Variants in OPRM1 observed in about 807,000 individuals in gnomAD.
OPRM1 encodes mu-type opioid receptor.
In OPRM1, 27 loss-of-function variants were observed where a neutral mutation model predicts 31.8. The observed-to-expected ratio is 0.85, with a 90% confidence interval of 0.63 to 1.17. The LOEUF (loss-of-function observed/expected upper bound fraction) is 1.17. Among genes scored for constraint, OPRM1 ranks in the 50% most tolerant of loss-of-function variants. The pLI, the probability that OPRM1 is intolerant of heterozygous loss-of-function variation, is 0.00. For synonymous variants in OPRM1, 196 were observed against 189.9 expected (o/e 1.03, Z -0.26); for missense variants, 536 against 511.1 (o/e 1.05, Z -0.47).
chr6:154,058,799 C>T (rs9285542), intron 1 of OPRM1, among the ~76,000 whole-genome samples: 23,949 of 151,954 alleles, frequency 0.16, 1,979 homozygotes, highest in Non-Finnish European at 0.17. Context: ...ACTAACAATC[C>T]TTAAATACAC....
intron 1 of OPRM1, among the ~76,000 whole-genome samples, chr6:154,027,479 G>T (rs548324714): frequency 1.3e-5 from 2 of 152,240 alleles, no homozygotes; most frequent in African/African-American, 4.8e-5. Context: ...CAATTCCCTG[G>T]CTGTGGCCTA....
Position 154,039,623 on chromosome 6 carries a change from AG to A in OPRM1, c.80del (p.Ser27ThrfsTer11). On this transcript the variant is annotated frameshift_variant, in exon 1 of 4. Transcript: ENST00000330432. LOFTEE classifies it high-confidence loss of function. Reference protein sequence around the residue: ...LAYSSCSPAPSPGSWVNLSHL... With the variant: ...LAYSSCSPAPXPGSWVNLSHL... ...GTACTCAAGTTGCTCCCCAGCACCC[AG>A]CCCCGGTTCCTGGGTCAACTTGTCC... The A allele has an allele frequency of 6.2e-7, 1 of 1,613,892 alleles. No homozygotes were observed. The highest frequency in any genetic ancestry group is 1.1e-5 in the South Asian group (1 of 91,076).
At chr6:154,230,327 T>A (rs1452581214) in intron 3 of OPRM1, among the ~76,000 whole-genome samples, 2 of 152,100 alleles carry the variant, frequency 1.3e-5, no homozygotes, top group Non-Finnish European at 2.9e-5. Context: ...TGGGCGGGGA[T>A]CATATGGGAA....
intron 3 of OPRM1, among the ~76,000 whole-genome samples, chr6:154,238,561 C>T (rs1051068479): frequency 6.6e-6 from 1 of 152,092 alleles, no homozygotes; most frequent in Non-Finnish European, 1.5e-5. Flanking sequence ...CCACTACACC[C>T]GGCCAAGCCT....
At position 154,110,765 on chromosome 6, in the gene OPRM1, TA is replaced by T. The variant is rs998151874; in HGVS notation, c.1165-7917del. Among the ~76,000 whole-genome samples the T allele has an allele frequency of 9.2e-5, 14 of 151,852 alleles. 1 individual carries two copies. The highest frequency in any genetic ancestry group is 3.4e-4 in the African/African-American group (14 of 41,422). On this transcript the variant is annotated intron_variant, in intron 3 of 3. Transcript: ENST00000330432. ...TAGCAGGCGTGGTGGCGGGCACCTG[TA>T]GTCCCAGCTACTCGGGAGGCTGAGG...
chr6:154,214,110 G>A (rs1178810630), intron 3 of OPRM1: 3 of 763,002 alleles, frequency 3.9e-6, no homozygotes, highest in Non-Finnish European at 7.0e-6. Context: ...GCCAAAGCAT[G>A]TTTCCTCAGG....
intron 1 of OPRM1, among the ~76,000 whole-genome samples, chr6:154,049,101 A>G (rs1781713212): frequency 6.6e-6 from 1 of 152,180 alleles, no homozygotes; most frequent in African/African-American, 2.4e-5. Context: ...TATTTAATAT[A>G]TAGCTGATTC....
chr6:154,227,359 T>C (rs895060913), intron 3 of OPRM1, among the ~76,000 whole-genome samples: 1 of 152,174 alleles, frequency 6.6e-6, no homozygotes, highest in African/African-American at 2.4e-5. Context: ...AATGATATAA[T>C]ACACAAATCA....
At chr6:154,238,458 G>T (rs1334474054) in intron 3 of OPRM1, among the ~76,000 whole-genome samples, 1 of 151,950 alleles carries the variant, frequency 6.6e-6, no homozygotes, top group South Asian at 2.1e-4. Context: ...TACAGACAGG[G>T]TTTCTCCATG....
At chr6:154,174,254 A>G (rs1226924101) in intron 3 of OPRM1, among the ~76,000 whole-genome samples, 2 of 152,216 alleles carry the variant, frequency 1.3e-5, no homozygotes, top group Non-Finnish European at 2.9e-5. Flanking sequence ...CTAGGAAGAA[A>G]CTGCATCAAT....
chr6:154,223,551 C>T (rs1359668084), intron 3 of OPRM1, among the ~76,000 whole-genome samples: 4 of 93,396 alleles, frequency 4.3e-5, no homozygotes, highest in Non-Finnish European at 6.3e-5. Context: ...GAAAACATAG[C>T]TAACCCAACA....
chr6:154,153,924 T>C (rs1021836425), intron 3 of OPRM1, among the ~76,000 whole-genome samples: 1 of 152,214 alleles, frequency 6.6e-6, no homozygotes, highest in Non-Finnish European at 1.5e-5. Flanking sequence ...ATTTGTTATA[T>C]CAGGAATAGG....
chr6:154,074,893 T>C (rs548315463), intron 1 of OPRM1, among the ~76,000 whole-genome samples: 3 of 152,160 alleles, frequency 2.0e-5, no homozygotes, highest in African/African-American at 7.2e-5. Context: ...ATGTATCTAT[T>C]AAAGGTAGAG....
intron 3 of OPRM1, among the ~76,000 whole-genome samples, chr6:154,219,348 A>G (rs1010285940): frequency 6.6e-6 from 1 of 152,228 alleles, no homozygotes; most frequent in Non-Finnish European, 1.5e-5. Flanking sequence ...GCAAGGAATC[A>G]GCCACAGAAT....
intron 1 of OPRM1, among the ~76,000 whole-genome samples, chr6:154,017,916 C>A (rs1370126228): frequency 6.6e-6 from 1 of 152,126 alleles, no homozygotes; most frequent in Non-Finnish European, 1.5e-5. Flanking sequence ...GTCAATTAAG[C>A]CAACTGTTCA....
chr6:154,176,518 A>C (rs139765112), intron 3 of OPRM1, among the ~76,000 whole-genome samples: 6,286 of 152,266 alleles, frequency 0.041, 428 homozygotes, highest in African/African-American at 0.14. Flanking sequence ...AAGCATTCCA[A>C]TACACCAATA....
At chr6:154,100,720 G>A (rs1794707466) in intron 3 of OPRM1, among the ~76,000 whole-genome samples, 1 of 151,502 alleles carries the variant, frequency 6.6e-6, no homozygotes, top group South Asian at 2.1e-4. Context: ...TGTAAAATCA[G>A]CTACCATCTA....
intron 1 of OPRM1, among the ~76,000 whole-genome samples, chr6:154,032,583 G>C (rs937808015): frequency 1.3e-5 from 2 of 152,130 alleles, no homozygotes; most frequent in African/African-American, 4.8e-5. Flanking sequence ...TTACAAGCGT[G>C]CACCACAACA....
Position 154,131,879 on chromosome 6 carries a change from T to TAA in OPRM1, c.*13166_*13167dup, listed in dbSNP as rs201278319. Among the ~76,000 whole-genome samples, 1 of 149,320 alleles carries TAA rather than the reference T, an allele frequency of 6.7e-6. No homozygotes were observed. The highest frequency in any genetic ancestry group is 2.5e-5 in the African/African-American group (1 of 40,614). On this transcript the variant is annotated 3_prime_UTR_variant, in exon 4 of 4. Coordinates refer to ENST00000330432, the MANE Select transcript of OPRM1 (RefSeq NM_000914.5). The stretch of plus-strand genomic sequence containing the variant: ...TGTGATAATGCACAAAAAGGAATGT[T>TAA]AAAAAAAAACACACAACATTGTTTT...
Sources: allele counts gnomAD v4.1 joint callset (sites outside exome capture counted in the v4.1 genomes callset), GRCh38; gene constraint gnomAD v4.1.1; transcripts MANE v1.5; gene names NCBI Gene and HGNC (gene_info 2026-07-23, HGNC 2026-07-21).